The following CCDC186 variants were observed in gnomAD, a reference collection of about 807,000 sequenced individuals.
CCDC186 encodes coiled-coil domain-containing protein 186.
CCDC186 carries 49 observed loss-of-function variants against 113.7 expected under a neutral mutation model. The observed-to-expected ratio is 0.43, with a 90% confidence interval of 0.34 to 0.55. The LOEUF is 0.55. CCDC186 is among the 20% of genes least tolerant of loss of function. CCDC186 has a pLI of 0.02. For synonymous variants in CCDC186, 355 were observed against 345.8 expected (o/e 1.03, Z -0.30); for missense variants, 890 against 1,011.1 (o/e 0.88, Z 1.62).
In CCDC186 at chr10:114,145,698, C is replaced by A; in HGVS notation, c.952G>T (p.Gly318Cys). ...CGAAGATCTAAAGATTCCTTCTCAC[C>A]TCTTACATATTTCATTACCATTGCT... is the stretch of plus-strand genomic sequence containing the variant. ...KEAMVMKYVR[G>C]EKESLDLRKE... Residue 318 changes from glycine (G) to cysteine (C), a missense_variant, in exon 5 of 16, where the codon GGT (glycine) becomes TGT (cysteine). By Grantham distance (159) the Gly-to-Cys change is radical. Transcript: ENST00000369287. 1.9e-6 allele frequency: 3 copies of A among 1,611,056 alleles called. No homozygotes were observed. The highest frequency in any genetic ancestry group is 2.5e-6 in the Non-Finnish European group (3 of 1,179,378).
intron 4 of CCDC186, among the ~76,000 whole-genome samples, chr10:114,149,584 G>A (rs550412628): frequency 7.6e-4 from 17 of 22,286 alleles, no homozygotes; most frequent in South Asian, 1.6e-3. Flanking sequence ...GAAGGGAAGG[G>A]AAGGGAAGGG....
chr10:114,163,463 G>C, intron 1 of CCDC186, 134 bp from the exon 2 acceptor site: 1 of 746,836 alleles, frequency 1.3e-6, no homozygotes, highest in Non-Finnish European at 2.0e-6. Flanking sequence ...GCCTGTCCTT[G>C]AGAAAAAAGA....
chr10:114,145,658 G>A lies in CCDC186; in HGVS notation c.992C>T (p.Thr331Ile). 1.2e-6 allele frequency: 2 copies of A among 1,613,096 alleles called. No homozygotes were observed. Among genetic ancestry groups the A allele is most frequent in the Non-Finnish European group, 1.7e-6 (2 of 1,179,778 alleles). Residue 331 changes from threonine (T) to isoleucine (I), a missense_variant, in exon 5 of 16, where the codon ACA (threonine) becomes ATA (isoleucine). Coordinates refer to ENST00000369287, the MANE Select transcript of CCDC186 (RefSeq NM_018017.4). ...ESLDLRKEKE[T>I]LEKKLRDANK... ...TGCATCTCTAAGTTTTTTCTCAAGTGTCTCTTTTTCCTTTCGAAGATCTAA... is the reference window on the plus strand; with the variant it reads ...TGCATCTCTAAGTTTTTTCTCAAGTATCTCTTTTTCCTTTCGAAGATCTAA...
chr10:114,165,160 T>C (rs896423034), intron 1 of CCDC186, among the ~76,000 whole-genome samples: 5 of 152,244 alleles, frequency 3.3e-5, no homozygotes, highest in African/African-American at 4.8e-5. Context: ...CTAAATACTC[T>C]ACCTCTCTGT....
At chr10:114,145,956 G>C (rs1412719601) in intron 4 of CCDC186, among the ~76,000 whole-genome samples, 195 bp from the exon 5 acceptor site, 1 of 152,130 alleles carries the variant, frequency 6.6e-6, no homozygotes, top group African/African-American at 2.4e-5. Flanking sequence ...AATATCCCTA[G>C]CATTTGCCTT....
intron 1 of CCDC186, among the ~76,000 whole-genome samples, chr10:114,164,100 GTGTA>G (rs1253083344): frequency 1.0e-4 from 12 of 120,268 alleles, no homozygotes; most frequent in African/African-American, 3.7e-4. Context: ...GTGTGTGTGT[GTGTA>G]TATATATATA....
chr10:114,144,462 T>C, intron 6 of CCDC186, 35 bp downstream of exon 6: 1 of 1,573,550 alleles, frequency 6.4e-7, no homozygotes, highest in Non-Finnish European at 8.6e-7. Flanking sequence ...AAAAAACTCA[T>C]TCTAATCATT....
At chr10:114,170,038 C>G (rs1433291838) in intron 1 of CCDC186, among the ~76,000 whole-genome samples, 2 of 152,160 alleles carry the variant, frequency 1.3e-5, no homozygotes, top group Non-Finnish European at 2.9e-5. Context: ...GATAAGACTA[C>G]AGGTGCATGC....
chr10:114,150,819 T>G (rs952024664), intron 4 of CCDC186, among the ~76,000 whole-genome samples: 3 of 152,016 alleles, frequency 2.0e-5, no homozygotes, highest in Non-Finnish European at 4.4e-5. Context: ...TGGCTAAACT[T>G]TTCGTATTTT....
intron 6 of CCDC186, among the ~76,000 whole-genome samples, chr10:114,140,533 A>C (rs1455775078): frequency 2.0e-5 from 3 of 152,222 alleles, no homozygotes; most frequent in Non-Finnish European, 4.4e-5. Context: ...AAGCAGCTAA[A>C]TATATGAATC....
intron 1 of CCDC186, chr10:114,168,016 TAC>T: frequency 6.6e-6 from 1 of 152,066 alleles, no homozygotes; most frequent in Non-Finnish European, 1.5e-5. Context: ...AAAGCAAATT[TAC>T]ACTCATATAT....
chr10:114,139,435 T>C (rs2031389750), intron 6 of CCDC186, among the ~76,000 whole-genome samples: 2 of 151,870 alleles, frequency 1.3e-5, no homozygotes. Flanking sequence ...TGGTGGTGCA[T>C]GCCTCTAATC....
At chr10:114,165,683 C>G (rs570151038) in intron 1 of CCDC186, among the ~76,000 whole-genome samples, 2 of 151,522 alleles carry the variant, frequency 1.3e-5, no homozygotes, top group Non-Finnish European at 2.9e-5. Flanking sequence ...GAGCGAGACT[C>G]TGTCTCAAAA....
At chr10:114,143,334 G>A (rs1340233131) in intron 6 of CCDC186, among the ~76,000 whole-genome samples, 2 of 152,214 alleles carry the variant, frequency 1.3e-5, no homozygotes, top group Non-Finnish European at 2.9e-5. Context: ...GATGAGGAAA[G>A]TACCACAGAT....
intron 12 of CCDC186, 47 bp from the exon 13 acceptor site, chr10:114,130,018 C>T: frequency 6.5e-7 from 1 of 1,545,850 alleles, no homozygotes; most frequent in Non-Finnish European, 8.9e-7. Context: ...GGACCATTTG[C>T]TCCTACCATC....
At chr10:114,132,544 G>C (rs2031121431) in intron 10 of CCDC186, among the ~76,000 whole-genome samples, 1 of 152,192 alleles carries the variant, frequency 6.6e-6, no homozygotes, top group South Asian at 2.1e-4. Context: ...TAGTAAATAA[G>C]TTAGGCTTCT....
intron 7 of CCDC186, 53 bp downstream of exon 7, chr10:114,137,133 G>C (rs2119726670): frequency 2.2e-6 from 3 of 1,361,408 alleles, no homozygotes; most frequent in Non-Finnish European, 3.1e-6. Flanking sequence ...GAAAAAGAGA[G>C]AACTGATATT....
At chr10:114,147,884 T>C (rs917987796) in intron 4 of CCDC186, among the ~76,000 whole-genome samples, 1 of 151,916 alleles carries the variant, frequency 6.6e-6, no homozygotes, top group African/African-American at 2.4e-5. Context: ...ATCCCAGCAC[T>C]TTGGGAGACT....
chr10:114,144,691 G>T, intron 5 of CCDC186, 75 bp from the exon 6 acceptor site: 1 of 1,320,648 alleles, frequency 7.6e-7, no homozygotes, highest in Non-Finnish European at 1.0e-6. Flanking sequence ...TCCCCACAAA[G>T]TAATCAGTCC....
Sources: allele counts gnomAD v4.1 joint callset (sites outside exome capture counted in the v4.1 genomes callset), GRCh38; gene constraint gnomAD v4.1.1; transcripts MANE v1.5; gene names NCBI Gene and HGNC (gene_info 2026-07-23, HGNC 2026-07-21).